The following GLP2R variants were observed in gnomAD, a reference collection of about 807,000 sequenced individuals.
GLP2R encodes the protein glucagon like peptide 2 receptor, also known as glucagon-like peptide 2 receptor.
GLP2R carries 59 observed loss-of-function variants against 68.2 expected under a neutral mutation model. The observed-to-expected ratio is 0.87, with a 90% confidence interval of 0.70 to 1.07. The LOEUF (loss-of-function observed/expected upper bound fraction) is 1.07. Ranked by LOEUF, GLP2R falls within the 50% of genes least tolerant of loss-of-function variation. The pLI, the probability that GLP2R is intolerant of heterozygous loss-of-function variation, is 0.00. For synonymous variants in GLP2R, 270 were observed against 265.4 expected, an observed-to-expected ratio of 1.02 and a Z score of -0.17; for missense variants, 548 against 677.4, an observed-to-expected ratio of 0.81 and a Z score of 2.12.
At chr17:9,857,615 C>G (rs768284338) in intron 6 of GLP2R, 39 bp downstream of exon 6, 1 of 1,601,100 alleles carries the variant, frequency 6.2e-7, no homozygotes, top group African/African-American at 1.3e-5. Context: ...GACTCCCCAC[C>G]TGATGGGTCA....
intron 1 of GLP2R, among the ~76,000 whole-genome samples, chr17:9,826,860 GT>G (rs1459263403): frequency 6.6e-6 from 1 of 152,026 alleles, no homozygotes; most frequent in Non-Finnish European, 1.5e-5. Flanking sequence ...TTTGCATACA[GT>G]TTTTTGTTTG....
rs115385155 is a variant in GLP2R, at chr17:9,875,869, C to A, written c.1146-4509C>A. ...TCTTGATTCATTTATAAAGGAGAAGCATTTCATTTTCATTTTTATTTTTTT... is the reference window on the plus strand; with the variant it reads ...TCTTGATTCATTTATAAAGGAGAAGAATTTCATTTTCATTTTTATTTTTTT... On this transcript the variant is annotated intron_variant, in intron 10 of 12. Coordinates refer to ENST00000262441, the MANE Select transcript of GLP2R (RefSeq NM_004246.3). Among the ~76,000 whole-genome samples the A allele has an allele frequency of 4.7e-3, 714 of 152,288 alleles. 9 individuals carry two copies. Among genetic ancestry groups the A allele is most frequent in the African/African-American group, 0.016 (677 of 41,554 alleles).
Position 9,836,447 on chromosome 17 carries a change from C to A in GLP2R, c.354C>A (p.Cys118Ter). The change falls in exon 3 of 13, where the codon TGC becomes TGA. Residue 118 changes from cysteine to a stop codon, truncating the protein, a stop_gained. Coordinates refer to ENST00000262441, the MANE Select transcript of GLP2R (RefSeq NM_004246.3). LOFTEE classifies it high-confidence loss of function. ...CTCCTGGAAATGTCTCTGTACCCTG[C>A]CCTTCATACTTACCTTGGTGGAGTG... is the stretch of plus-strand genomic sequence containing the variant. ...HSSPGNVSVP[C>*]PSYLPWWSEE... is the part of the protein sequence containing the mutation. 1 of 1,607,134 alleles carries A rather than the reference C, an allele frequency of 6.2e-7. No individual in the cohort carries two copies. Among genetic ancestry groups the A allele is most frequent in the Non-Finnish European group, 8.5e-7 (1 of 1,173,564 alleles).
chr17:9,849,139 A>G (rs1261734877), intron 4 of GLP2R, among the ~76,000 whole-genome samples: 1 of 151,746 alleles, frequency 6.6e-6, no homozygotes, highest in Non-Finnish European at 1.5e-5. Context: ...TTGATTATAT[A>G]TGATTTTTCC....
chr17:9,832,973 T>C (rs943940023), intron 1 of GLP2R, among the ~76,000 whole-genome samples: 1 of 151,974 alleles, frequency 6.6e-6, no homozygotes, highest in Non-Finnish European at 1.5e-5. Flanking sequence ...TTCTCAAGAA[T>C]AGATCCGGGC....
In GLP2R at chr17:9,891,357, T is replaced by G. The variant is rs2067289142; in HGVS notation, c.*1652T>G. The G allele has an allele frequency of 6.6e-6, 1 of 152,218 alleles. No individual in the cohort carries two copies. The highest frequency in any genetic ancestry group is 1.5e-5 in the Non-Finnish European group (1 of 68,050). 9.4% of individuals were successfully genotyped at this position (152,218 alleles called of 1,614,324 possible). On this transcript the variant is annotated 3_prime_UTR_variant, in exon 13 of 13. Coordinates refer to ENST00000262441, the MANE Select transcript of GLP2R (RefSeq NM_004246.3). ...TAAATGATCAAAATAAATCATATTT[T>G]AATGCAATATTCTAAAAAAACAAAT...
At chr17:9,838,032 T>C (rs769603812) in intron 3 of GLP2R, among the ~76,000 whole-genome samples, 12 of 152,176 alleles carry the variant, frequency 7.9e-5, no homozygotes, top group Non-Finnish European at 1.6e-4. Flanking sequence ...TTTATGGAAG[T>C]GTTCTCTGAT....
intron 7 of GLP2R, among the ~76,000 whole-genome samples, chr17:9,860,337 G>A (rs527888562): frequency 6.6e-6 from 1 of 152,330 alleles, no homozygotes; most frequent in South Asian, 2.1e-4. Context: ...AAAGTCTTTG[G>A]TGGAATCTGA....
Position 9,833,873 on chromosome 17 carries a change from G to A in GLP2R, c.256G>A (p.Asp86Asn), listed in dbSNP as rs1283490517. The change falls in exon 2 of 13, where the codon GAC (aspartate) becomes AAC (asparagine). Residue 86 changes from aspartate to asparagine, a missense_variant. Transcript: ENST00000262441. The stretch of plus-strand genomic sequence containing the variant: ...TCAGTACAAACAGGCATGTCTGAGA[G>A]ACTTACTCAAGGAACCTTCTGGTAA... ...WAQYKQACLR[D>N]LLKEPSGIFC... 6.2e-7 allele frequency: 1 copy of A among 1,611,568 alleles called. No individual in the cohort carries two copies.
chr17:9,836,141 G>C (rs149995207), intron 2 of GLP2R, among the ~76,000 whole-genome samples: 47 of 152,156 alleles, frequency 3.1e-4, no homozygotes, highest in African/African-American at 1.1e-3. Context: ...CGGAGGTCAA[G>C]TTGGGCAGAC....
chr17:9,887,368 A>G (rs575676626), intron 11 of GLP2R, among the ~76,000 whole-genome samples: 14 of 152,312 alleles, frequency 9.2e-5, no homozygotes, highest in Admixed American at 2.6e-4. Flanking sequence ...CTGTACTAAA[A>G]ATACAAAAAA....
chr17:9,879,254 TATAAAATAAAATAAAATAAA>T (rs1160570734), intron 10 of GLP2R, among the ~76,000 whole-genome samples: 1 of 114,706 alleles, frequency 8.7e-6, no homozygotes, highest in African/African-American at 3.3e-5. Flanking sequence ...ATCCCCTCTC[TATAAAATAAAATAAAATAAA>T]ATAAAATAAA....
chr17:9,873,172 CA>C (rs1469210789), intron 10 of GLP2R, among the ~76,000 whole-genome samples: 1 of 152,156 alleles, frequency 6.6e-6, no homozygotes, highest in Non-Finnish European at 1.5e-5. Context: ...AGAGTTCTCT[CA>C]ATAAACAGGT....
At chr17:9,865,597 G>A (rs914019858) in intron 9 of GLP2R, among the ~76,000 whole-genome samples, 18 of 152,082 alleles carry the variant, frequency 1.2e-4, no homozygotes, top group African/African-American at 4.3e-4. Context: ...TTCCACCATG[G>A]TGTTTCCCTC....
chr17:9,853,139 C>T (rs1472045283), intron 4 of GLP2R: 1 of 491,148 alleles, frequency 2.0e-6, no homozygotes, highest in South Asian at 2.0e-5. Context: ...CAACAATGTG[C>T]AATCATGCTT....
chr17:9,835,212 A>G (rs2066716010), intron 2 of GLP2R, among the ~76,000 whole-genome samples: 1 of 151,936 alleles, frequency 6.6e-6, no homozygotes, highest in African/African-American at 2.4e-5. Flanking sequence ...TATTTTTAGC[A>G]GAGACGGGGT....
Position 9,842,080 on chromosome 17 carries a change from T to A in GLP2R, c.383-415T>A, listed in dbSNP as rs187670858. 7.6e-5 allele frequency among the ~76,000 whole-genome samples: 11 copies of A among 144,834 alleles called. No homozygotes were observed. In the East Asian group the frequency reaches 2.3e-3, roughly 31 times the overall value. On this transcript the variant is annotated intron_variant, in intron 3 of 12. Transcript: ENST00000262441. The stretch of plus-strand genomic sequence containing the variant: ...GGCCCAGGACACACTCATGCATGGA[T>A]GGCGCATCCGGCTTCAGCCCCAGTC...
intron 1 of GLP2R, among the ~76,000 whole-genome samples, chr17:9,832,011 G>A (rs1004757372): frequency 8.5e-5 from 13 of 152,196 alleles, no homozygotes; most frequent in African/African-American, 3.1e-4. Context: ...GCCGTCTCTA[G>A]AACAGATTCT....
At chr17:9,860,942 G>A (rs1314642240) in intron 7 of GLP2R, among the ~76,000 whole-genome samples, 197 bp from the exon 8 acceptor site, 1 of 151,998 alleles carries the variant, frequency 6.6e-6, no homozygotes, top group African/African-American at 2.4e-5. Flanking sequence ...TCCCCCTCTG[G>A]GCCCTGGTTT....
Sources: gnomAD v4.1 joint callset for allele counts (sites outside exome capture counted in the v4.1 genomes callset) on GRCh38, gnomAD v4.1.1 for gene constraint, MANE v1.5 for transcripts, NCBI Gene and HGNC (gene_info 2026-07-23, HGNC 2026-07-21) for gene names.